Variants in DPH6 observed in about 807,000 individuals in gnomAD.
The protein encoded by DPH6 is diphthine--ammonia ligase.
Under a neutral mutation model 38.2 loss-of-function variants are expected in DPH6, and 33 were observed. The observed-to-expected ratio is 0.86, with a 90% confidence interval of 0.65 to 1.15. DPH6 has a LOEUF of 1.15. Among genes scored for constraint, DPH6 ranks in the 50% most tolerant of loss-of-function variants. The probability of loss-of-function intolerance (pLI) is 0.00; values close to 1 mark genes in which losing one functional copy is unlikely to be tolerated. For missense variants in DPH6, 325 were observed against 320.0 expected (o/e 1.02, Z -0.12); for synonymous variants, 108 against 103.0 (o/e 1.05, Z -0.30).
chr15:35,470,260 TAGAC>T (rs2054181040), intron 3 of DPH6, among the ~76,000 whole-genome samples: 2 of 151,718 alleles, frequency 1.3e-5, no homozygotes, highest in South Asian at 2.1e-4. Context: ...AACAGAGGGA[TAGAC>T]AGAAAAGCCA....
At position 35,478,100 on chromosome 15, in the gene DPH6, G is replaced by C. The variant is rs2054283153; in HGVS notation, c.313-23280C>G. On this transcript the variant is annotated intron_variant, in intron 3 of 8. Coordinates refer to ENST00000256538, the MANE Select transcript of DPH6 (RefSeq NM_080650.4). ...TTCAACTAAATGTGTCAGTTAATCA[G>C]ATAAAAAATTATCAGTAACTCAAAG... Among the ~76,000 whole-genome samples, 3 of 151,924 alleles carry C rather than the reference G, an allele frequency of 2.0e-5. No homozygotes were observed. The South Asian group carries it at 6.2e-4, about 32-fold the overall frequency.
chr15:35,153,103 A>T, the DPH6 span, among the ~76,000 whole-genome samples: 1 of 152,228 alleles, frequency 6.6e-6, no homozygotes, highest in African/African-American at 2.4e-5. Flanking sequence ...AAAATTATGT[A>T]AAATTAAATT....
chr15:35,491,232 T>TA (rs2054472996), intron 3 of DPH6, among the ~76,000 whole-genome samples: 1 of 150,778 alleles, frequency 6.6e-6, no homozygotes, highest in Non-Finnish European at 1.5e-5. Context: ...TAAAGACAAG[T>TA]AAAAAATTAT....
At chr15:35,281,350 C>T (rs2140436274) in intron 3 of DPH6, among the ~76,000 whole-genome samples, 1 of 152,186 alleles carries the variant, frequency 6.6e-6, no homozygotes, top group East Asian at 1.9e-4. Flanking sequence ...AAATAGCTCA[C>T]AAAATTAAAG....
At chr15:35,396,672 CTT>C (rs1329642623) in intron 6 of DPH6, among the ~76,000 whole-genome samples, 2 of 152,056 alleles carry the variant, frequency 1.3e-5, no homozygotes, top group Non-Finnish European at 2.9e-5. Flanking sequence ...TTTAATATAT[CTT>C]ATAATTTTTA....
At chr15:35,197,357 C>T in the DPH6 span, among the ~76,000 whole-genome samples, 1 of 152,100 alleles carries the variant, frequency 6.6e-6, no homozygotes, top group Non-Finnish European at 1.5e-5. Flanking sequence ...TCTTGATTTA[C>T]TAGTTTTGCT....
Position 35,284,801 on chromosome 15 carries a change from ATTTTT to A in DPH6, n.201-64224_201-64220del, listed in dbSNP as rs71123127. On this transcript the variant is annotated intron_variant and non_coding_transcript_variant, in intron 3 of 3. Coordinates refer to the DPH6 transcript ENST00000560386. ...GAAAATTCATGGGTGAAGTCTCCAA[ATTTTT>A]TTTTTTTTTTTTTTTTTTTTTTTTG... Among the ~76,000 whole-genome samples the A allele has an allele frequency of 2.5e-3, 202 of 79,238 alleles. 1 individual carries two copies. The highest frequency in any genetic ancestry group is 8.8e-3 in the East Asian group (17 of 1,936). The allele number at this position is 79,238 out of a possible 152,430, so 52.0% of individuals were successfully genotyped here.
the DPH6 span, among the ~76,000 whole-genome samples, chr15:35,178,022 A>G: frequency 6.6e-6 from 1 of 152,170 alleles, no homozygotes; most frequent in Non-Finnish European, 1.5e-5. Flanking sequence ...ATACATATAT[A>G]TGTTGTATGA....
At chr15:35,397,652 C>G (rs2053154124) in intron 6 of DPH6, among the ~76,000 whole-genome samples, 1 of 151,934 alleles carries the variant, frequency 6.6e-6, no homozygotes, top group Non-Finnish European at 1.5e-5. Context: ...CACCAGGTAC[C>G]TCTGGAAGTG....
intron 6 of DPH6, among the ~76,000 whole-genome samples, chr15:35,404,699 T>C (rs1471467893): frequency 6.6e-6 from 1 of 152,138 alleles, no homozygotes; most frequent in Non-Finnish European, 1.5e-5. Flanking sequence ...TGTTGATTGT[T>C]TCCTTCGCTG....
chr15:35,386,698 T>C (rs973176458), intron 6 of DPH6, among the ~76,000 whole-genome samples: 2 of 152,236 alleles, frequency 1.3e-5, no homozygotes, highest in African/African-American at 2.4e-5. Flanking sequence ...AGTTGTTTTT[T>C]TCTTGTAAAT....
At chr15:35,209,656 AACTTTAAGCTTCTTGT>A in the DPH6 span, among the ~76,000 whole-genome samples, 1 of 152,230 alleles carries the variant, frequency 6.6e-6, no homozygotes, top group Admixed American at 6.5e-5. Flanking sequence ...AGTTTCTAAA[AACTTTAAGCTTCTTGT>A]ACAGAACTCT....
chr15:35,338,273 A>G (rs1411131921), intron 3 of DPH6, among the ~76,000 whole-genome samples: 1 of 152,072 alleles, frequency 6.6e-6, no homozygotes, highest in African/African-American at 2.4e-5. Flanking sequence ...AATTTTCGCA[A>G]CCTACTCATC....
At chr15:35,354,847 T>C (rs911995453) in intron 3 of DPH6, among the ~76,000 whole-genome samples, 12 of 152,080 alleles carry the variant, frequency 7.9e-5, no homozygotes, top group African/African-American at 2.9e-4. Context: ...CCTTGTTAAC[T>C]TTCTCTCTTG....
chr15:35,336,428 C>T (rs1254840209), intron 3 of DPH6, among the ~76,000 whole-genome samples: 3 of 151,908 alleles, frequency 2.0e-5, no homozygotes, highest in Non-Finnish European at 2.9e-5. Context: ...TTTGATCTTC[C>T]GTCACTGATA....
the DPH6 span, among the ~76,000 whole-genome samples, chr15:35,154,104 G>GA: frequency 6.6e-6 from 1 of 152,024 alleles, no homozygotes; most frequent in South Asian, 2.1e-4. Context: ...ATAATTTGGG[G>GA]GGCTCTATTG....
At chr15:35,534,488 A>T (rs2141546193) in intron 3 of DPH6, among the ~76,000 whole-genome samples, 1 of 152,208 alleles carries the variant, frequency 6.6e-6, no homozygotes, top group African/African-American at 2.4e-5. Context: ...CTATAGAAAG[A>T]AAAATAAGTT....
chr15:35,156,224 A>C, the DPH6 span, among the ~76,000 whole-genome samples: 1 of 152,192 alleles, frequency 6.6e-6, no homozygotes, highest in Non-Finnish European at 1.5e-5. Flanking sequence ...TTTTTGGCAT[A>C]TGTTGTACAA....
At chr15:35,420,702 A>G (rs2053494586) in intron 5 of DPH6, among the ~76,000 whole-genome samples, 1 of 151,974 alleles carries the variant, frequency 6.6e-6, no homozygotes, top group African/African-American at 2.4e-5. Context: ...TTTTTAATAG[A>G]GACGGGGTTT....
Sources: gnomAD v4.1 joint callset for allele counts (sites outside exome capture counted in the v4.1 genomes callset) on GRCh38, gnomAD v4.1.1 for gene constraint, MANE v1.5 for transcripts, NCBI Gene and HGNC (gene_info 2026-07-23, HGNC 2026-07-21) for gene names.